Variants in CSMD1 observed in about 807,000 individuals in gnomAD.
CSMD1 encodes the protein CUB and sushi domain-containing protein 1.
CSMD1 carries 213 observed loss-of-function variants against 417.5 expected under a neutral mutation model. That is an observed-to-expected ratio of 0.51 (90% confidence interval 0.46 to 0.57). The LOEUF (loss-of-function observed/expected upper bound fraction) is 0.57, where lower values mean the gene tolerates loss of function less well. Ranked by LOEUF, CSMD1 falls within the 20% of genes least tolerant of loss-of-function variation. The probability of loss-of-function intolerance (pLI) is 0.00; values close to 1 mark genes in which losing one functional copy is unlikely to be tolerated. For missense variants in CSMD1, 6,923 were observed against 4,529.7 expected (o/e 1.53, Z -15.17); for synonymous variants, 2,862 against 1,736.8 (o/e 1.65, Z -16.11).
chr8:4,804,829 C>T (rs1397569977), intron 1 of CSMD1, among the ~76,000 whole-genome samples: 1 of 152,298 alleles, frequency 6.6e-6, no homozygotes, highest in Middle Eastern at 3.4e-3. Context: ...ATTACTGATA[C>T]TATTTAACAA....
intron 3 of CSMD1, among the ~76,000 whole-genome samples, chr8:4,202,705 A>G (rs1027553233): frequency 1.3e-5 from 2 of 152,206 alleles, no homozygotes; most frequent in African/African-American, 4.8e-5. Flanking sequence ...AACCACACTA[A>G]TCAAACAAGT....
At chr8:4,310,916 A>G (rs989524334) in intron 3 of CSMD1, among the ~76,000 whole-genome samples, 2 of 152,208 alleles carry the variant, frequency 1.3e-5, no homozygotes, top group African/African-American at 2.4e-5. Context: ...CAGTATCACT[A>G]ATCATTAGAG....
At chr8:4,071,824 T>TG (rs757292624) in intron 3 of CSMD1, among the ~76,000 whole-genome samples, 91 of 151,872 alleles carry the variant, frequency 6.0e-4, no homozygotes, top group East Asian at 1.2e-3. Flanking sequence ...AACTTCCTGT[T>TG]GTGGGGGGGT....
intron 2 of CSMD1, among the ~76,000 whole-genome samples, chr8:4,479,622 G>A (rs1800979999): frequency 6.6e-6 from 1 of 152,242 alleles, no homozygotes; most frequent in Admixed American, 6.5e-5. Context: ...CCAGCTGGGT[G>A]CAGTGGCTCA....
chr8:2,957,411 C>G (rs938332907), intron 63 of CSMD1, among the ~76,000 whole-genome samples: 1 of 152,032 alleles, frequency 6.6e-6, no homozygotes, highest in African/African-American at 2.4e-5. Context: ...CTGAGAATCT[C>G]CTGGAGCGCT....
chr8:2,961,220 A>G lies in CSMD1; in HGVS notation c.9629-6T>C. ...GCAGGTGTTATGAGCAGGATCTGAA[A>G]TTTGTGATTTAAAAAGAAAAGAGGG... On this transcript the variant is annotated splice_polypyrimidine_tract_variant and splice_region_variant and intron_variant, in intron 61 of 69. Transcript: ENST00000635120. 1 of 1,580,692 alleles carries G rather than the reference A, an allele frequency of 6.3e-7. No individual in the cohort carries two copies. Among genetic ancestry groups the G allele is most frequent in the African/African-American group, 1.3e-5 (1 of 74,498 alleles).
At chr8:3,248,449 A>G (rs1463114843) in intron 26 of CSMD1, among the ~76,000 whole-genome samples, 1 of 150,928 alleles carries the variant, frequency 6.6e-6, no homozygotes, top group Non-Finnish European at 1.5e-5. Context: ...TGGAAGTGTG[A>G]GACAGACAAC....
chr8:4,255,919 G>C (rs1003329070), intron 3 of CSMD1, among the ~76,000 whole-genome samples: 7 of 152,142 alleles, frequency 4.6e-5, no homozygotes, highest in African/African-American at 1.7e-4. Context: ...AGCCTTTGTT[G>C]TGTTCTTGAC....
chr8:4,397,846 G>A (rs1352671318), intron 3 of CSMD1, among the ~76,000 whole-genome samples: 3 of 151,900 alleles, frequency 2.0e-5, no homozygotes, highest in African/African-American at 7.3e-5. Flanking sequence ...GTAATGTCAG[G>A]ATACATCTTT....
intron 4 of CSMD1, among the ~76,000 whole-genome samples, chr8:4,014,303 G>C (rs554687403): frequency 4.5e-4 from 69 of 152,304 alleles, no homozygotes; most frequent in Admixed American, 1.7e-3. Flanking sequence ...GTGTCGAAGT[G>C]AACATGGGAA....
chr8:3,883,111 T>A (rs1374028644), intron 5 of CSMD1, among the ~76,000 whole-genome samples: 1 of 152,176 alleles, frequency 6.6e-6, no homozygotes, highest in Non-Finnish European at 1.5e-5. Flanking sequence ...GAATCCTTAG[T>A]GTAAATAACA....
intron 1 of CSMD1, among the ~76,000 whole-genome samples, chr8:4,968,777 A>G (rs983405903): frequency 3.3e-5 from 5 of 152,118 alleles, no homozygotes; most frequent in African/African-American, 1.2e-4. Flanking sequence ...CAAAAATAAT[A>G]AAAATAAAAA....
At chr8:3,684,016 G>A (rs1382881548) in intron 7 of CSMD1, among the ~76,000 whole-genome samples, 1 of 150,544 alleles carries the variant, frequency 6.6e-6, no homozygotes. Context: ...CAAATTAATG[G>A]ACTAACACCA....
intron 2 of CSMD1, among the ~76,000 whole-genome samples, chr8:4,451,174 A>G (rs185432552): frequency 1.3e-5 from 2 of 152,136 alleles, no homozygotes; most frequent in African/African-American, 2.4e-5. Context: ...TCAAAATAAT[A>G]TAAAAATAAC....
At chr8:4,449,497 T>G (rs1414774679) in intron 2 of CSMD1, among the ~76,000 whole-genome samples, 1 of 152,188 alleles carries the variant, frequency 6.6e-6, no homozygotes, top group East Asian at 1.9e-4. Context: ...TAATATGAAG[T>G]TACTTGTCAT....
intron 49 of CSMD1, among the ~76,000 whole-genome samples, chr8:3,071,115 T>G (rs994283867): frequency 2.6e-5 from 4 of 152,120 alleles, no homozygotes; most frequent in African/African-American, 9.7e-5. Flanking sequence ...CTTATTATCA[T>G]GAAGATAGCA....
rs1031036610 is a variant in CSMD1, at chr8:4,689,117, T to A, written c.86-51559A>T. ...ATAAATTTGTTCTCAACCCAACAGG[T>A]AACTTAGTGATCATATAATGCCTGA... On this transcript the variant is annotated intron_variant, in intron 1 of 69. Coordinates refer to ENST00000635120, the MANE Select transcript of CSMD1 (RefSeq NM_033225.6). 2.6e-5 allele frequency among the ~76,000 whole-genome samples: 4 copies of A among 152,202 alleles called. No individual in the cohort carries two copies. In the East Asian group the frequency reaches 7.7e-4, roughly 29 times the overall value.
At chr8:4,862,250 G>T (rs1802180169) in intron 1 of CSMD1, among the ~76,000 whole-genome samples, 1 of 152,050 alleles carries the variant, frequency 6.6e-6, no homozygotes, top group African/African-American at 2.4e-5. Context: ...GAGTGAACGA[G>T]ATGAGCTCAC....
At chr8:3,095,890 A>C (rs7813351) in intron 47 of CSMD1, among the ~76,000 whole-genome samples, 1 of 152,038 alleles carries the variant, frequency 6.6e-6, no homozygotes, top group Non-Finnish European at 1.5e-5. Flanking sequence ...CAAAAAAATC[A>C]TAAGACTATT....
Sources: allele counts gnomAD v4.1 joint callset (sites outside exome capture counted in the v4.1 genomes callset), GRCh38; gene constraint gnomAD v4.1.1; transcripts MANE v1.5; gene names NCBI Gene and HGNC (gene_info 2026-07-23, HGNC 2026-07-21).